SYTL3: variants seen among roughly 807,000 people sequenced by gnomAD.
SYTL3 encodes the protein synaptotagmin like 3.
Under a neutral mutation model 82.1 loss-of-function variants are expected in SYTL3, and 88 were observed. That is an observed-to-expected ratio of 1.07 (90% confidence interval 0.90 to 1.28). The LOEUF (loss-of-function observed/expected upper bound fraction) is 1.28. Among genes scored for constraint, SYTL3 ranks in the 50% most tolerant of loss-of-function variants. The pLI is 0.00. For missense variants in SYTL3, 831 were observed against 757.6 expected (o/e 1.10, Z -1.14); for synonymous variants, 311 against 289.4 (o/e 1.07, Z -0.76).
chr6:158,658,943 A>G (rs1054281792), intron 2 of SYTL3, among the ~76,000 whole-genome samples: 3 of 152,284 alleles, frequency 2.0e-5, no homozygotes, highest in East Asian at 3.9e-4. Flanking sequence ...AAAAGAGGGT[A>G]TGTCTCAATC....
intron 4 of SYTL3, among the ~76,000 whole-genome samples, chr6:158,664,624 A>G (rs1789793967): frequency 6.6e-6 from 1 of 152,246 alleles, no homozygotes; most frequent in Non-Finnish European, 1.5e-5. Context: ...AAGATCTTTC[A>G]GTGATTTGAG....
In SYTL3 at chr6:158,763,476, G is replaced by A. The variant is rs548865352; in HGVS notation, c.1690G>A (p.Asp564Asn). ...VWDQALFGMN[D>N]RLLGGTRLGS... ...GGATCAGGCCCTCTTTGGAATGAAC[G>A]ACCGCTTGCTTGGAGGAACCAGACT... The change falls in exon 17 of 18, where the codon GAC becomes AAC. Residue 564 changes from aspartate to asparagine, a missense_variant. Coordinates refer to ENST00000611299, the MANE Select transcript of SYTL3 (RefSeq NM_001242394.2). The A allele has an allele frequency of 5.6e-5, 91 of 1,614,016 alleles. No homozygotes were observed. The highest frequency in any genetic ancestry group is 8.3e-5 in the Admixed American group (5 of 60,008).
intron 5 of SYTL3, among the ~76,000 whole-genome samples, chr6:158,682,550 G>A (rs953087986): frequency 5.2e-4 from 79 of 151,790 alleles, no homozygotes; most frequent in Non-Finnish European, 2.5e-4. Flanking sequence ...TAGTACAGAC[G>A]GGGTTTCACC....
At chr6:158,729,566 C>A (rs1045598371) in intron 11 of SYTL3, among the ~76,000 whole-genome samples, 4 of 132,912 alleles carry the variant, frequency 3.0e-5, no homozygotes. Flanking sequence ...CTTTCTTTTT[C>A]TTTTTTTTTT....
chr6:158,734,207 T>A (rs1276327091), intron 11 of SYTL3, among the ~76,000 whole-genome samples: 1 of 152,130 alleles, frequency 6.6e-6, no homozygotes, highest in Non-Finnish European at 1.5e-5. Flanking sequence ...GCATTCTGTT[T>A]CTAAATAAAC....
At chr6:158,646,266 A>C (rs1787451627), upstream of SYTL3, among the ~76,000 whole-genome samples, 1 of 152,124 alleles carries the variant, frequency 6.6e-6, no homozygotes, top group Non-Finnish European at 1.5e-5. Context: ...CCTGGGCTCA[A>C]GGTATTCTCC....
Position 158,705,126 on chromosome 6 carries a change from CAGTG to C in SYTL3, c.395-2101_395-2098del, listed in dbSNP as rs776687337. On this transcript the variant is annotated intron_variant, in intron 6 of 17. Coordinates refer to ENST00000611299, the MANE Select transcript of SYTL3 (RefSeq NM_001242394.2). ...CAGGAGGGACCTGGGGACAGGGTGA[CAGTG>C]AGGGCTGTAAGGCCACATAGGGCAG... Among the ~76,000 whole-genome samples, 500 of 63,480 alleles carry C rather than the reference CAGTG, an allele frequency of 7.9e-3. 14 individuals carry two copies. Among genetic ancestry groups the C allele is most frequent in the Non-Finnish European group, 0.012 (418 of 34,748 alleles). The allele number at this position is 63,480 out of a possible 152,430, so 41.6% of individuals were successfully genotyped here.
intron 14 of SYTL3, among the ~76,000 whole-genome samples, chr6:158,759,965 T>C (rs1789687564): frequency 6.6e-6 from 1 of 152,114 alleles, no homozygotes; most frequent in African/African-American, 2.4e-5. Context: ...ATTCTTCCAG[T>C]GTGGCCCAGG....
intron 6 of SYTL3, among the ~76,000 whole-genome samples, chr6:158,686,595 C>T (rs1013140617): frequency 7.9e-5 from 12 of 152,158 alleles, no homozygotes; most frequent in African/African-American, 1.4e-4. Context: ...AATTCCACCA[C>T]GCTCCTATTT....
chr6:158,749,854 ATAACTC>A (rs996697344), intron 12 of SYTL3, among the ~76,000 whole-genome samples: 2 of 152,210 alleles, frequency 1.3e-5, no homozygotes, highest in African/African-American at 4.8e-5. Flanking sequence ...GAAAACCTGA[ATAACTC>A]TATATCTGTT....
chr6:158,679,348 C>T (rs540124620), intron 5 of SYTL3, among the ~76,000 whole-genome samples: 6 of 150,470 alleles, frequency 4.0e-5, no homozygotes, highest in East Asian at 1.9e-4. Context: ...CCAGCCTGGG[C>T]GATAGAATGA....
upstream of SYTL3, among the ~76,000 whole-genome samples, chr6:158,646,765 C>T (rs1787500838): frequency 6.6e-6 from 1 of 152,158 alleles, no homozygotes; most frequent in South Asian, 2.1e-4. Flanking sequence ...CTTCAACTCC[C>T]CTGTCCTGGT....
rs536956569 is a variant in SYTL3, at chr6:158,702,308, A to G, written c.395-4922A>G. ...GCTATTGTACTCCAGCCTGGGCAAC[A>G]AGAGTGAGACTCTGTCTCAAAAAAA... is the stretch of plus-strand genomic sequence containing the variant. On this transcript the variant is annotated intron_variant, in intron 6 of 17. Transcript: ENST00000611299. 1.3e-3 allele frequency among the ~76,000 whole-genome samples: 190 copies of G among 150,292 alleles called. 1 individual carries two copies. Among genetic ancestry groups the G allele is most frequent in the African/African-American group, 4.4e-3 (179 of 40,760 alleles).
chr6:158,663,214 G>T lies in SYTL3; in HGVS notation c.-55G>T, dbSNP rs750528308. On this transcript the variant is annotated 5_prime_UTR_variant, in exon 4 of 18. Transcript: ENST00000611299. Reference sequence around the variant, plus strand: ...CGCCGCTCATCTGCAGGGCGTGAGCGCTTGGTCCATGCAGTGAAGCTCTTC... The same window carrying T: ...CGCCGCTCATCTGCAGGGCGTGAGCTCTTGGTCCATGCAGTGAAGCTCTTC... 25 of 1,543,564 alleles carry T rather than the reference G, an allele frequency of 1.6e-5. No individual in the cohort carries two copies. The highest frequency in any genetic ancestry group is 2.1e-5 in the Non-Finnish European group (24 of 1,117,346).
chr6:158,754,341 A>G (rs1462830869), intron 13 of SYTL3, among the ~76,000 whole-genome samples: 1 of 152,126 alleles, frequency 6.6e-6, no homozygotes, highest in African/African-American at 2.4e-5. Context: ...CCTGCTCTCA[A>G]ATGATCCTTA....
intron 12 of SYTL3, among the ~76,000 whole-genome samples, chr6:158,749,501 T>TTC (rs1253102589): frequency 2.4e-5 from 3 of 126,438 alleles, no homozygotes; most frequent in African/African-American, 6.1e-5. Context: ...CTTCTTTTCT[T>TTC]TCTCTCTTTT....
At chr6:158,687,084 A>G (rs1451738461) in intron 6 of SYTL3, among the ~76,000 whole-genome samples, 2 of 152,242 alleles carry the variant, frequency 1.3e-5, no homozygotes, top group African/African-American at 2.4e-5. Flanking sequence ...AAAAGTGTAC[A>G]GACAGCTCCA....
At chr6:158,760,564 T>A in intron 14 of SYTL3, 76 bp from the exon 15 acceptor site, 20 of 1,322,480 alleles carry the variant, frequency 1.5e-5, no homozygotes, top group Non-Finnish European at 2.2e-5. Context: ...TGGACGAAGC[T>A]GAGACAACCA....
At chr6:158,706,578 C>T (rs1396747607) in intron 6 of SYTL3, among the ~76,000 whole-genome samples, 3 of 152,150 alleles carry the variant, frequency 2.0e-5, no homozygotes, top group Non-Finnish European at 4.4e-5. Flanking sequence ...CTGCTTCCTT[C>T]CCAGCCCCCT....
Sources: allele counts gnomAD v4.1 joint callset (sites outside exome capture counted in the v4.1 genomes callset), GRCh38; gene constraint gnomAD v4.1.1; transcripts MANE v1.5; gene names NCBI Gene and HGNC (gene_info 2026-07-23, HGNC 2026-07-21).